The following PRMT8 variants were observed in gnomAD, a reference collection of about 807,000 sequenced individuals.
PRMT8 encodes the protein protein arginine methyltransferase 8, also known as protein arginine N-methyltransferase 8.
Under a neutral mutation model 47.1 loss-of-function variants are expected in PRMT8, and 7 were observed. The observed-to-expected ratio is 0.15, with a 90% confidence interval of 0.08 to 0.28. The LOEUF (loss-of-function observed/expected upper bound fraction) is 0.28. Ranked by LOEUF, PRMT8 falls within the 10% of genes least tolerant of loss-of-function variation. PRMT8 has a pLI of 1.00. For missense variants in PRMT8, 237 were observed against 505.4 expected, an observed-to-expected ratio of 0.47 and a Z score of 5.09; for synonymous variants, 188 against 186.5, an observed-to-expected ratio of 1.01 and a Z score of -0.07.
rs1027838234 is a variant in PRMT8 at position 3,580,520 on chromosome 12, C to T, written c.829-2538C>T. Among the ~76,000 whole-genome samples the T allele has an allele frequency of 6.6e-6, 1 of 152,142 alleles. No individual in the cohort carries two copies. Among genetic ancestry groups the T allele is most frequent in the Non-Finnish European group, 1.5e-5 (1 of 68,038 alleles). On this transcript the variant is annotated intron_variant, in intron 7 of 9. Coordinates refer to ENST00000382622, the MANE Select transcript of PRMT8 (RefSeq NM_019854.5). This position sits in a 1 kb window ranked among gnomAD's most constrained non-coding sequence, Gnocchi z 4.6. Reference sequence around the variant, plus strand: ...CTAGGCAAAGAAGTAAGTCTTCAAGCAGGGAGACCTGTTCTGAGAAGAAGA... The same window carrying T: ...CTAGGCAAAGAAGTAAGTCTTCAAGTAGGGAGACCTGTTCTGAGAAGAAGA...
At chr12:3,577,055 C>A in intron 7 of PRMT8, 69 bp downstream of exon 7, 2 of 1,324,540 alleles carry the variant, frequency 1.5e-6, no homozygotes, top group South Asian at 1.2e-5. Context: ...GGAGTCCAGG[C>A]AATGCCGGCT....
intron 1 of PRMT8, among the ~76,000 whole-genome samples, chr12:3,467,817 C>A (rs911726534): frequency 6.6e-6 from 1 of 152,218 alleles, no homozygotes; most frequent in African/African-American, 2.4e-5. Context: ...CAGAACGCAC[C>A]TGAAGCGAAG....
intron 1 of PRMT8, among the ~76,000 whole-genome samples, chr12:3,420,044 AG>A (rs1864525069): frequency 6.8e-6 from 1 of 147,010 alleles, no homozygotes; most frequent in Non-Finnish European, 1.5e-5. Flanking sequence ...ACAGAGAGAG[AG>A]AGAGAGAGAG....
chr12:3,541,232 A>G (rs1866224587), intron 2 of PRMT8, among the ~76,000 whole-genome samples: 1 of 152,218 alleles, frequency 6.6e-6, no homozygotes, highest in African/African-American at 2.4e-5. Flanking sequence ...CTCCGGGGGA[A>G]GAGCTGCAGG....
At chr12:3,496,991 G>A (rs1865520841) in intron 1 of PRMT8, among the ~76,000 whole-genome samples, 1 of 149,304 alleles carries the variant, frequency 6.7e-6, no homozygotes, top group Non-Finnish European at 1.5e-5. Context: ...CAAAGACAGT[G>A]AAACACAACA....
chr12:3,448,749 TAAGTTCCAGGATACA>T (rs1357132426), intron 1 of PRMT8, among the ~76,000 whole-genome samples: 1 of 152,176 alleles, frequency 6.6e-6, no homozygotes, highest in Non-Finnish European at 1.5e-5. Flanking sequence ...TATTTTATTT[TAAGTTCCAGGATACA>T]TGTGTAGGAC....
At position 3,493,353 on chromosome 12, in the gene PRMT8, T is replaced by C. The variant is rs1366417375; in HGVS notation, c.75+1653T>C. ...ATCGCCCACCCGCCGAAAGGGTTTC[T>C]AAAAATAGCCCAGGGCTTCAAGGCC... is the stretch of plus-strand genomic sequence containing the variant. On this transcript the variant is annotated intron_variant, in intron 1 of 9. Coordinates refer to ENST00000382622, the MANE Select transcript of PRMT8 (RefSeq NM_019854.5). The surrounding 1 kb of genome is among the most constrained non-coding windows in gnomAD (Gnocchi z 8.2). 3.3e-5 allele frequency among the ~76,000 whole-genome samples: 5 copies of C among 152,222 alleles called. No individual in the cohort carries two copies. Among genetic ancestry groups the C allele is most frequent in the Non-Finnish European group, 5.9e-5 (4 of 68,046 alleles).
chr12:3,563,934 C>G (rs559144373), intron 4 of PRMT8, among the ~76,000 whole-genome samples: 1 of 152,074 alleles, frequency 6.6e-6, no homozygotes. Context: ...CAATGCCCCC[C>G]ACCTTTTTTC....
At chr12:3,522,365 T>C (rs1023848112) in intron 1 of PRMT8, among the ~76,000 whole-genome samples, 1 of 151,998 alleles carries the variant, frequency 6.6e-6, no homozygotes, top group African/African-American at 2.4e-5. Flanking sequence ...TAATTACCAC[T>C]TAAAGAAAAA....
At chr12:3,520,187 C>T (rs1433568058) in intron 1 of PRMT8, among the ~76,000 whole-genome samples, 3 of 152,222 alleles carry the variant, frequency 2.0e-5, no homozygotes, top group African/African-American at 7.2e-5. Flanking sequence ...GTTGCTGGGT[C>T]ACCAGAAGGG....
At chr12:3,423,809 A>G (rs1474285638) in intron 1 of PRMT8, among the ~76,000 whole-genome samples, 1 of 152,188 alleles carries the variant, frequency 6.6e-6, no homozygotes, top group Non-Finnish European at 1.5e-5. Context: ...GTACCATTAT[A>G]CGGTTTCTGT....
At chr12:3,483,752 A>C (rs1258532723) in intron 1 of PRMT8, among the ~76,000 whole-genome samples, 1 of 152,258 alleles carries the variant, frequency 6.6e-6, no homozygotes, top group Non-Finnish European at 1.5e-5. Flanking sequence ...GTAAAAATAC[A>C]TAATACATAC....
At chr12:3,481,450 G>GA (rs2137101705) in intron 1 of PRMT8, among the ~76,000 whole-genome samples, 1 of 152,298 alleles carries the variant, frequency 6.6e-6, no homozygotes, top group South Asian at 2.1e-4. Context: ...GCCAGAAACT[G>GA]AAAGGGCGCT....
At chr12:3,554,230 A>T (rs1288200699) in intron 4 of PRMT8, among the ~76,000 whole-genome samples, 1 of 152,078 alleles carries the variant, frequency 6.6e-6, no homozygotes, top group African/African-American at 2.4e-5. Flanking sequence ...GATTATAGAG[A>T]GGGGCGTCCC....
chr12:3,537,134 T>C (rs1214073485), intron 1 of PRMT8, among the ~76,000 whole-genome samples: 1 of 152,214 alleles, frequency 6.6e-6, no homozygotes, highest in African/African-American at 2.4e-5. Flanking sequence ...CCACTAGAAA[T>C]GTGTGAAAGG....
intron 1 of PRMT8, among the ~76,000 whole-genome samples, chr12:3,470,014 C>T (rs753420958): frequency 5.9e-5 from 9 of 152,154 alleles, no homozygotes; most frequent in Non-Finnish European, 1.0e-4. Flanking sequence ...AACACAATAA[C>T]GGTGTTCGTC....
chr12:3,561,172 G>A (rs760299026), intron 4 of PRMT8, among the ~76,000 whole-genome samples: 3 of 152,104 alleles, frequency 2.0e-5, no homozygotes, highest in Non-Finnish European at 2.9e-5. Flanking sequence ...TTCTCCTCTG[G>A]CCATGTTTTA....
upstream of PRMT8, among the ~76,000 whole-genome samples, chr12:3,489,389 G>A (rs888481834): frequency 7.2e-5 from 11 of 151,964 alleles, 1 homozygote; most frequent in Admixed American, 3.9e-4. Context: ...TGAAAGTCAG[G>A]AGGCTGGGGA....
At chr12:3,413,320 T>C (rs1316907229) in intron 1 of PRMT8, among the ~76,000 whole-genome samples, 1 of 152,238 alleles carries the variant, frequency 6.6e-6, no homozygotes, top group Non-Finnish European at 1.5e-5. Context: ...TCCCCTTTGT[T>C]TTCTGCCATG....
Sources: allele counts gnomAD v4.1 joint callset (sites outside exome capture counted in the v4.1 genomes callset), GRCh38; gene constraint gnomAD v4.1.1; non-coding constraint Gnocchi (gnomAD v3.1); transcripts MANE v1.5; gene names NCBI Gene and HGNC (gene_info 2026-07-23, HGNC 2026-07-21).